Variants in CDH1 observed in about 807,000 individuals in gnomAD.
The protein encoded by CDH1 is cadherin 1.
In CDH1, 35 loss-of-function variants were observed where a neutral mutation model predicts 84.5. The ratio of observed to expected loss-of-function variants is 0.41; its 90% CI spans 0.32 to 0.55. The LOEUF is 0.55. Ranked by LOEUF, CDH1 falls within the 20% of genes least tolerant of loss-of-function variation. The pLI is 0.19. For synonymous variants in CDH1, 417 were observed against 439.0 expected, an observed-to-expected ratio of 0.95 and a Z score of 0.63; for missense variants, 994 against 1,126.6, an observed-to-expected ratio of 0.88 and a Z score of 1.68.
intron 2 of CDH1, among the ~76,000 whole-genome samples, chr16:68,761,929 T>A (rs941636711): frequency 6.6e-6 from 1 of 152,182 alleles, no homozygotes; most frequent in Non-Finnish European, 1.5e-5. Flanking sequence ...GTCTTTCACT[T>A]GGGACTCCTC....
At chr16:68,758,905 C>T (rs1378781502) in intron 2 of CDH1, among the ~76,000 whole-genome samples, 1 of 151,820 alleles carries the variant, frequency 6.6e-6, no homozygotes, top group East Asian at 1.9e-4. Flanking sequence ...AAGCAATTCT[C>T]CTGCCTCAGC....
In CDH1 at chr16:68,737,358, G is replaced by GCCCGCTCCAA; in HGVS notation, c.-54_-53insCTCCAACCCG. 1.4e-6 allele frequency: 2 copies of GCCCGCTCCAA among 1,458,974 alleles called. No homozygotes were observed. Among genetic ancestry groups the GCCCGCTCCAA allele is most frequent in the South Asian group, 2.5e-5 (2 of 80,618 alleles). 90.4% of individuals were successfully genotyped at this position (1,458,974 alleles called of 1,614,324 possible). ...TCAGTTCAGACTCCAGCCCGCTCCAGCCCGGCCCGACCCGACCGCACCCGG... is the reference window on the plus strand; with the variant it reads ...TCAGTTCAGACTCCAGCCCGCTCCAGCCCGCTCCAACCCGGCCCGACCCGACCGCACCCGG... On this transcript the variant is annotated 5_prime_UTR_variant, in exon 1 of 16. Coordinates refer to ENST00000261769, the MANE Select transcript of CDH1 (RefSeq NM_004360.5).
In CDH1 at chr16:68,824,561, G is replaced by T. The variant is rs144439320; in HGVS notation, c.2164+935G>T. ...CCACATCTAGCTGCAAGGGAACCTGGAAGCTTCTACTTACAATTGAAAATT... is the reference window on the plus strand; with the variant it reads ...CCACATCTAGCTGCAAGGGAACCTGTAAGCTTCTACTTACAATTGAAAATT... On this transcript the variant is annotated intron_variant, in intron 13 of 15. Coordinates refer to ENST00000261769, the MANE Select transcript of CDH1 (RefSeq NM_004360.5). Among the ~76,000 whole-genome samples, 565 of 152,330 alleles carry T rather than the reference G, an allele frequency of 3.7e-3. 3 individuals are homozygous for T. Among genetic ancestry groups the T allele is most frequent in the African/African-American group, 0.011 (475 of 41,582 alleles).
intron 2 of CDH1, among the ~76,000 whole-genome samples, chr16:68,794,811 C>T (rs1408773267): frequency 4.6e-5 from 7 of 151,710 alleles, no homozygotes; most frequent in Non-Finnish European, 1.0e-4. Context: ...CTCAGCCTCC[C>T]GAGTAGCTGG....
intron 2 of CDH1, among the ~76,000 whole-genome samples, chr16:68,750,948 T>C (rs1962870916): frequency 6.6e-6 from 1 of 152,066 alleles, no homozygotes; most frequent in Admixed American, 6.6e-5. Flanking sequence ...CAAGGGATCT[T>C]CCCACCTTGG....
chr16:68,759,664 A>AT (rs1356380624), intron 2 of CDH1, among the ~76,000 whole-genome samples: 1 of 151,592 alleles, frequency 6.6e-6, no homozygotes, highest in Non-Finnish European at 1.5e-5. Context: ...TAATTTTTGT[A>AT]TTTTTTAATG....
chr16:68,819,831 A>G (rs1419353821), intron 11 of CDH1, among the ~76,000 whole-genome samples: 6 of 152,118 alleles, frequency 3.9e-5, no homozygotes, highest in Non-Finnish European at 7.3e-5. Context: ...ACTTGAGACA[A>G]TGGCCTCCAG....
intron 2 of CDH1, among the ~76,000 whole-genome samples, chr16:68,759,225 C>G (rs1042874371): frequency 2.8e-4 from 42 of 152,154 alleles, no homozygotes; most frequent in African/African-American, 9.6e-4. Flanking sequence ...ACAGGGGGCA[C>G]AGTGGCTCAT....
At chr16:68,785,379 A>T (rs1960017184) in intron 2 of CDH1, among the ~76,000 whole-genome samples, 1 of 152,102 alleles carries the variant, frequency 6.6e-6, no homozygotes, top group Non-Finnish European at 1.5e-5. Flanking sequence ...TTTAGTAGAG[A>T]CACGGTTTTA....
At chr16:68,820,125 AAAG>A (rs1374541367) in intron 11 of CDH1, among the ~76,000 whole-genome samples, 1 of 151,974 alleles carries the variant, frequency 6.6e-6, no homozygotes, top group East Asian at 2.0e-4. Flanking sequence ...CTTGAGTCTG[AAAG>A]GTGGAGGCTG....
chr16:68,766,730 A>G (rs1959399539), intron 2 of CDH1, among the ~76,000 whole-genome samples: 1 of 100,174 alleles, frequency 1.0e-5, no homozygotes, highest in Admixed American at 1.0e-4. Context: ...AGTAAGGTCT[A>G]GAACCCCCTT....
At chr16:68,756,278 C>T (rs958697967) in intron 2 of CDH1, among the ~76,000 whole-genome samples, 1 of 152,012 alleles carries the variant, frequency 6.6e-6, no homozygotes. Flanking sequence ...ACAAGATGAC[C>T]AACTTGTTGG....
At chr16:68,804,409 G>C (rs192862260) in intron 3 of CDH1, among the ~76,000 whole-genome samples, 2 of 151,918 alleles carry the variant, frequency 1.3e-5, no homozygotes, top group Non-Finnish European at 2.9e-5. Context: ...CACTGCGCCC[G>C]GCCCTATCTG....
Position 68,772,998 on chromosome 16 carries a change from C to T in CDH1, c.164-28672C>T, listed in dbSNP as rs77869440. Among the ~76,000 whole-genome samples, 689 of 152,274 alleles carry T rather than the reference C, an allele frequency of 4.5e-3. 14 individuals carry two copies. In the East Asian group the frequency reaches 0.07, roughly 15 times the overall value. On this transcript the variant is annotated intron_variant, in intron 2 of 15. Transcript: ENST00000261769. The stretch of plus-strand genomic sequence containing the variant: ...GGTTTAGGAGCTCAGCACTCAAGAA[C>T]TTCATCGTAATACATTAGACAAAAA...
In CDH1 at chr16:68,741,649, A is replaced by C. The variant is rs370181122; in HGVS notation, c.163+3238A>C. ...CAGCTTCTAGAATGAAGACCTTTAC[A>C]AAAAAAAAAAAAACCAAACTCAACT... On this transcript the variant is annotated intron_variant, in intron 2 of 15. Transcript: ENST00000261769. Among the ~76,000 whole-genome samples the C allele has an allele frequency of 3.7e-3, 504 of 137,284 alleles. 7 individuals are homozygous for C. The highest frequency in any genetic ancestry group is 0.013 in the African/African-American group (479 of 38,098). The allele number at this position is 137,284 out of a possible 152,430, so 90.1% of individuals were successfully genotyped here.
Position 68,828,252 on chromosome 16 carries a change from C to G in CDH1, c.2243C>G (p.Thr748Ser), listed in dbSNP as rs1555517660. ...CCCTTACTGCCCCCAGAGGATGACA[C>G]CCGGGACAACGTTTATTACTATGAT... ...KEPLLPPEDDTRDNVYYYDEE... is the reference protein window; with the variant it reads ...KEPLLPPEDDSRDNVYYYDEE... Residue 748 changes from threonine to serine, a missense_variant, in exon 14 of 16, where the codon ACC becomes AGC. Thr to Ser is a moderately conservative substitution (Grantham distance 58). Transcript: ENST00000261769. The G allele has an allele frequency of 6.2e-7, 1 of 1,614,086 alleles. No homozygotes were observed. Among genetic ancestry groups the G allele is most frequent in the Non-Finnish European group, 8.5e-7 (1 of 1,180,006 alleles).
At chr16:68,792,487 G>A (rs953728031) in intron 2 of CDH1, among the ~76,000 whole-genome samples, 1 of 152,166 alleles carries the variant, frequency 6.6e-6, no homozygotes, top group Non-Finnish European at 1.5e-5. Flanking sequence ...ACCTCCCAAA[G>A]GGCTGGGATT....
chr16:68,781,599 A>G (rs1267218281), intron 2 of CDH1, among the ~76,000 whole-genome samples: 2 of 152,086 alleles, frequency 1.3e-5, no homozygotes, highest in Non-Finnish European at 2.9e-5. Flanking sequence ...TTGGCCTCCC[A>G]AAGTGCGGGG....
At chr16:68,762,475 A>G (rs1384490191) in intron 2 of CDH1, among the ~76,000 whole-genome samples, 1 of 152,180 alleles carries the variant, frequency 6.6e-6, no homozygotes, top group Non-Finnish European at 1.5e-5. Flanking sequence ...GGGTTACCCC[A>G]TAACCCCCAG....
Sources: allele counts gnomAD v4.1 joint callset (sites outside exome capture counted in the v4.1 genomes callset), GRCh38; gene constraint gnomAD v4.1.1; transcripts MANE v1.5; gene names NCBI Gene and HGNC (gene_info 2026-07-23, HGNC 2026-07-21).